The following TTLL11 variants were observed in gnomAD, a reference collection of about 807,000 sequenced individuals.
TTLL11 encodes tubulin polyglutamylase TTLL11.
Under a neutral mutation model 51.7 loss-of-function variants are expected in TTLL11, and 42 were observed. That is an observed-to-expected ratio of 0.81 (90% confidence interval 0.64 to 1.05). The LOEUF (loss-of-function observed/expected upper bound fraction) is 1.05. Among genes scored for constraint, TTLL11 ranks in the 50% least tolerant of loss-of-function variants. TTLL11 has a pLI of 0.00. For synonymous variants in TTLL11, 381 were observed against 383.5 expected, an observed-to-expected ratio of 0.99 and a Z score of 0.08; for missense variants, 799 against 940.4, an observed-to-expected ratio of 0.85 and a Z score of 1.97.
At chr9:121,973,523 GA>G (rs1352840440) in intron 6 of TTLL11, among the ~76,000 whole-genome samples, 1 of 150,124 alleles carries the variant, frequency 6.7e-6, no homozygotes, top group African/African-American at 2.5e-5. Context: ...ATTCTGGGTT[GA>G]AAATTCTTTT....
chr9:121,961,949 G>A (rs1484634899), intron 6 of TTLL11, among the ~76,000 whole-genome samples: 4 of 152,108 alleles, frequency 2.6e-5, no homozygotes, highest in East Asian at 3.9e-4. Context: ...CCAGCTACTC[G>A]GGAGGCTGAG....
chr9:121,859,064 G>C (rs766886285), intron 8 of TTLL11, among the ~76,000 whole-genome samples: 1 of 152,226 alleles, frequency 6.6e-6, no homozygotes, highest in Non-Finnish European at 1.5e-5. Context: ...TTACTCGTCT[G>C]TGAAATGAGA....
chr9:122,079,069 T>C (rs979368801), intron 1 of TTLL11, among the ~76,000 whole-genome samples: 1 of 152,202 alleles, frequency 6.6e-6, no homozygotes, highest in Non-Finnish European at 1.5e-5. Flanking sequence ...TATGTGCACA[T>C]ATGTTTTCGT....
At chr9:122,051,589 T>C (rs186359392) in intron 1 of TTLL11, among the ~76,000 whole-genome samples, 3 of 152,212 alleles carry the variant, frequency 2.0e-5, no homozygotes, top group Non-Finnish European at 2.9e-5. Flanking sequence ...CAAAACCTAA[T>C]CACCAACACC....
At chr9:122,024,474 C>G (rs1368902456) in intron 3 of TTLL11, among the ~76,000 whole-genome samples, 1 of 152,000 alleles carries the variant, frequency 6.6e-6, no homozygotes, top group Non-Finnish European at 1.5e-5. Context: ...ACTACAATAG[C>G]CAAAACAACT....
At position 121,887,883 on chromosome 9, in the gene TTLL11, T is replaced by C. The variant is rs1588096506; in HGVS notation, c.1482-17135A>G. On this transcript the variant is annotated intron_variant, in intron 6 of 8. Transcript: ENST00000321582. ...TGGTGTCTGGTGTGCTGCTTGGAAG[T>C]CAGGCCTGAACTGCCTGGGGGCCCC... Among the ~76,000 whole-genome samples the C allele has an allele frequency of 3.3e-5, 5 of 151,946 alleles. No individual in the cohort carries two copies. The South Asian group carries it at 1.0e-3, about 32-fold the overall frequency.
intron 4 of TTLL11, among the ~76,000 whole-genome samples, chr9:121,984,456 A>G (rs557435114): frequency 6.6e-6 from 1 of 152,266 alleles, no homozygotes; most frequent in African/African-American, 2.4e-5. Flanking sequence ...AGGGAGGTAC[A>G]AATATGGTCT....
At chr9:121,848,649 C>A (rs1333875792) in intron 8 of TTLL11, among the ~76,000 whole-genome samples, 1 of 152,002 alleles carries the variant, frequency 6.6e-6, no homozygotes, top group East Asian at 1.9e-4. Context: ...GAAGTTAAAA[C>A]CATTTACATT....
At position 122,093,057 on chromosome 9, in the gene TTLL11, T is replaced by TTGGCCTCGGCCTCAGCTTTGGCCG. The variant is rs3833704; in HGVS notation, c.91_92insCGGCCAAAGCTGAGGCCGAGGCCA (p.Glu31delinsAlaAlaLysAlaGluAlaGluAlaLys). ...TTCCGCCACCGTCTCCGCTGTGGCC[T>TTGGCCTCGGCCTCAGCTTTGGCCG]CGGCCTCAGCTTTGGCCGCCGCTTT... is the stretch of plus-strand genomic sequence containing the variant. On this transcript the variant is annotated protein_altering_variant, in exon 1 of 9. Transcript: ENST00000321582. 6.6e-7 allele frequency: 1 copy of TTGGCCTCGGCCTCAGCTTTGGCCG among 1,516,122 alleles called. No homozygotes were observed. The highest frequency in any genetic ancestry group is 2.0e-5 in the Admixed American group (1 of 49,360). 93.9% of individuals were successfully genotyped at this position (1,516,122 alleles called of 1,614,324 possible).
chr9:122,090,605 T>C (rs915788500), intron 1 of TTLL11, among the ~76,000 whole-genome samples: 2 of 152,196 alleles, frequency 1.3e-5, no homozygotes, highest in Non-Finnish European at 2.9e-5. Flanking sequence ...TCCCGCAGCA[T>C]TTCTCCTTTC....
At chr9:121,840,092 G>C (rs575704969) in intron 8 of TTLL11, among the ~76,000 whole-genome samples, 1 of 142,622 alleles carries the variant, frequency 7.0e-6, no homozygotes, top group Admixed American at 7.0e-5. Flanking sequence ...GAGCTGCATC[G>C]AATCACCCAA....
chr9:121,965,356 G>T (rs1842368727), intron 6 of TTLL11, among the ~76,000 whole-genome samples: 1 of 152,226 alleles, frequency 6.6e-6, no homozygotes, highest in African/African-American at 2.4e-5. Context: ...ATGGCGGAAG[G>T]CAAAGGGGAA....
At chr9:121,951,835 T>C (rs1841860941) in intron 6 of TTLL11, among the ~76,000 whole-genome samples, 1 of 152,222 alleles carries the variant, frequency 6.6e-6, no homozygotes, top group South Asian at 2.1e-4. Context: ...CCCATTTTTA[T>C]GGTTATTTCT....
chr9:121,970,485 C>T (rs2131644760), intron 6 of TTLL11, among the ~76,000 whole-genome samples: 1 of 152,334 alleles, frequency 6.6e-6, no homozygotes, highest in East Asian at 1.9e-4. Flanking sequence ...TCTTGAACTT[C>T]TTGCTCCCAA....
At chr9:121,831,509 G>A (rs922894957) in intron 8 of TTLL11, among the ~76,000 whole-genome samples, 8 of 152,034 alleles carry the variant, frequency 5.3e-5, no homozygotes, top group African/African-American at 1.9e-4. Flanking sequence ...GACCAGCCTG[G>A]CCAACATAGT....
At chr9:121,914,445 T>TG (rs1211496443) in intron 6 of TTLL11, among the ~76,000 whole-genome samples, 3 of 152,210 alleles carry the variant, frequency 2.0e-5, no homozygotes, top group South Asian at 2.1e-4. Flanking sequence ...TGACGGTTGA[T>TG]GAAGATACAG....
At chr9:121,983,023 G>A (rs537074750) in intron 4 of TTLL11, among the ~76,000 whole-genome samples, 19 of 152,322 alleles carry the variant, frequency 1.2e-4, no homozygotes, top group African/African-American at 1.9e-4. Context: ...ATAGGCTATA[G>A]GCAGTAAGGG....
At chr9:122,072,322 C>T (rs1322875831) in intron 1 of TTLL11, among the ~76,000 whole-genome samples, 1 of 152,162 alleles carries the variant, frequency 6.6e-6, no homozygotes, top group East Asian at 1.9e-4. Context: ...CACTCTCCTC[C>T]CACATCCTGT....
At chr9:122,027,902 T>C (rs1015500114) in intron 3 of TTLL11, among the ~76,000 whole-genome samples, 3 of 152,208 alleles carry the variant, frequency 2.0e-5, no homozygotes, top group African/African-American at 7.2e-5. Flanking sequence ...TATAGGATAA[T>C]TGACTTTTTA....
Sources: gnomAD v4.1 joint callset for allele counts (sites outside exome capture counted in the v4.1 genomes callset) on GRCh38, gnomAD v4.1.1 for gene constraint, MANE v1.5 for transcripts, NCBI Gene and HGNC (gene_info 2026-07-23, HGNC 2026-07-21) for gene names.